DLG5: variants seen among roughly 807,000 people sequenced by gnomAD.
DLG5 encodes discs large MAGUK scaffold protein 5.
DLG5 carries 48 observed loss-of-function variants against 189.8 expected under a neutral mutation model. The observed-to-expected ratio is 0.25, with a 90% confidence interval of 0.20 to 0.32. The LOEUF (loss-of-function observed/expected upper bound fraction) is 0.32, where lower values mean the gene tolerates loss of function less well. Among genes scored for constraint, DLG5 ranks in the 10% least tolerant of loss-of-function variants. The probability of loss-of-function intolerance (pLI) is 1.00; values close to 1 mark genes in which losing one functional copy is unlikely to be tolerated. For missense variants in DLG5, 2,160 were observed against 2,544.7 expected, an observed-to-expected ratio of 0.85 and a Z score of 3.25; for synonymous variants, 1,016 against 1,054.1, an observed-to-expected ratio of 0.96 and a Z score of 0.70.
At chr10:77,888,191 G>A (rs1370791223) in intron 1 of DLG5, among the ~76,000 whole-genome samples, 1 of 152,180 alleles carries the variant, frequency 6.6e-6, no homozygotes, top group Non-Finnish European at 1.5e-5. Context: ...GGCTGTTGGG[G>A]AGCACCAGAG....
chr10:77,848,479 TG>T (rs1378364784), intron 5 of DLG5, among the ~76,000 whole-genome samples: 1 of 152,156 alleles, frequency 6.6e-6, no homozygotes, highest in African/African-American at 2.4e-5. Context: ...TGCACTGCCC[TG>T]GTCCCAGGAA....
upstream of DLG5, chr10:77,927,581 T>C (rs575120568): frequency 6.6e-6 from 1 of 152,204 alleles, no homozygotes; most frequent in Non-Finnish European, 1.5e-5. Flanking sequence ...AGTTAGGATG[T>C]TGGCAGGAGG....
chr10:77,806,286 G>T, intron 26 of DLG5: 1 of 228,190 alleles, frequency 4.4e-6, no homozygotes, highest in Non-Finnish European at 8.6e-6. Flanking sequence ...AGTCCAGACA[G>T]GGAGACCCAT....
At chr10:77,893,203 T>C (rs1845661258) in intron 1 of DLG5, among the ~76,000 whole-genome samples, 1 of 152,120 alleles carries the variant, frequency 6.6e-6, no homozygotes, top group Non-Finnish European at 1.5e-5. Flanking sequence ...AAACGTCACC[T>C]TACCTACCCA....
chr10:77,940,027 C>T, the DLG5 span, among the ~76,000 whole-genome samples: 447 of 152,318 alleles, frequency 2.9e-3, 1 homozygote, highest in African/African-American at 9.9e-3. Flanking sequence ...ACAGTCTCTG[C>T]GGCAATCAGC....
chr10:77,844,850 C>T (rs985072068), intron 5 of DLG5, among the ~76,000 whole-genome samples: 4 of 152,142 alleles, frequency 2.6e-5, no homozygotes, highest in Non-Finnish European at 5.9e-5. Context: ...AGAAGAGCAG[C>T]GAGAGCACAC....
Position 77,816,533 on chromosome 10 carries a change from A to G in DLG5, c.4025+18T>C. 6.2e-7 allele frequency: 1 copy of G among 1,613,940 alleles called. No individual in the cohort carries two copies. The highest frequency in any genetic ancestry group is 2.2e-5 in the East Asian group (1 of 44,876). On this transcript the variant is annotated intron_variant, in intron 20 of 31. Transcript: ENST00000372391. ...GTCCACTGGTTTACCCACTCCACCG[A>G]TGACCGGCCATGCTCACCTGTCCTT...
chr10:77,835,605 G>A, intron 8 of DLG5, 133 bp downstream of exon 8: 1 of 952,762 alleles, frequency 1.0e-6, no homozygotes, highest in South Asian at 1.9e-5. Flanking sequence ...CTAGGGGTGA[G>A]AAAGGAGGAG....
At chr10:77,810,743 T>A (rs537028932) in intron 23 of DLG5, among the ~76,000 whole-genome samples, 1 of 152,084 alleles carries the variant, frequency 6.6e-6, no homozygotes, top group Non-Finnish European at 1.5e-5. Flanking sequence ...TGCCACCTCA[T>A]TGGGGGAAGC....
Position 77,820,028 on chromosome 10 carries a change from C to G in DLG5, c.3403-10G>C. On this transcript the variant is annotated splice_polypyrimidine_tract_variant and intron_variant, in intron 15 of 31. Coordinates refer to ENST00000372391, the MANE Select transcript of DLG5 (RefSeq NM_004747.4). ...GGACACACTTCTGTTCCTGCAGATG[C>G]AAGGGCAAGAGTGTCTGCTAGAAAG... The G allele has an allele frequency of 6.2e-7, 1 of 1,612,872 alleles. No individual in the cohort carries two copies. Among genetic ancestry groups the G allele is most frequent in the Non-Finnish European group, 8.5e-7 (1 of 1,179,936 alleles).
At position 77,856,886 on chromosome 10, in the gene DLG5, G is replaced by A. The variant is rs1844261923; in HGVS notation, c.380C>T (p.Thr127Ile). Residue 127 changes from threonine (T) to isoleucine (I), a missense_variant, in exon 3 of 32, where the codon ACC becomes ATC. Thr to Ile is a moderately conservative substitution (Grantham distance 89). Coordinates refer to ENST00000372391, the MANE Select transcript of DLG5 (RefSeq NM_004747.4). ...SSSSLSSVGT[T>I]GKAPSPPPLL... ...GGGTGGTGGGGACGGCGCCTTCCCG[G>A]TAGTGCCTGTGGAAGGGGAATAATA... is the stretch of plus-strand genomic sequence containing the variant. 6.2e-7 allele frequency: 1 copy of A among 1,610,292 alleles called. No homozygotes were observed. The highest frequency in any genetic ancestry group is 1.3e-5 in the African/African-American group (1 of 74,852).
intron 7 of DLG5, among the ~76,000 whole-genome samples, chr10:77,840,670 G>T (rs1272654664): frequency 6.6e-6 from 1 of 152,204 alleles, no homozygotes; most frequent in Non-Finnish European, 1.5e-5. Flanking sequence ...AGTGAGCCGA[G>T]ATTGCGCCAC....
intron 20 of DLG5, among the ~76,000 whole-genome samples, chr10:77,813,784 G>C (rs1247173228): frequency 6.6e-6 from 1 of 152,174 alleles, no homozygotes; most frequent in African/African-American, 2.4e-5. Context: ...AGGTTCCCAG[G>C]TTCCAGTGAC....
At position 77,897,800 on chromosome 10, in the gene DLG5, G is replaced by GA. The variant is rs985033096; in HGVS notation, c.304+28416dup. Among the ~76,000 whole-genome samples, 51 of 145,706 alleles carry GA rather than the reference G, an allele frequency of 3.5e-4. No individual in the cohort carries two copies. The East Asian group carries it at 6.9e-3, about 20-fold the overall frequency. ...ATAATTTCTTAGTGGTAGAATTAAA[G>GA]AAAAAAAAAAGGATGTGGTTCCCAA... On this transcript the variant is annotated intron_variant, in intron 1 of 31. Coordinates refer to ENST00000372391, the MANE Select transcript of DLG5 (RefSeq NM_004747.4).
chr10:77,799,251 G>A (rs546572136), intron 27 of DLG5, among the ~76,000 whole-genome samples: 31 of 152,312 alleles, frequency 2.0e-4, no homozygotes, highest in Admixed American at 1.9e-3. Context: ...TACGGCAATG[G>A]CTTTCTTTAA....
chr10:77,846,854 C>T (rs867341269), intron 5 of DLG5: 21 of 400,582 alleles, frequency 5.2e-5, no homozygotes, highest in South Asian at 3.6e-4. Flanking sequence ...GACGAGCCAA[C>T]GCTCTCCTGC....
intron 13 of DLG5, among the ~76,000 whole-genome samples, chr10:77,828,413 A>G (rs1842742673): frequency 6.7e-6 from 1 of 150,260 alleles, no homozygotes; most frequent in African/African-American, 2.5e-5. Flanking sequence ...CTTGAACACG[A>G]AAGTCAGAGG....
intron 1 of DLG5, among the ~76,000 whole-genome samples, chr10:77,886,625 G>A (rs1401025970): frequency 2.0e-5 from 3 of 152,176 alleles, no homozygotes; most frequent in Non-Finnish European, 4.4e-5. Context: ...AAAGTGCTGG[G>A]ATTATAGGCG....
intron 1 of DLG5, among the ~76,000 whole-genome samples, chr10:77,897,873 T>C (rs1290536276): frequency 6.6e-6 from 1 of 152,020 alleles, no homozygotes; most frequent in Non-Finnish European, 1.5e-5. Context: ...TTTGAAAATA[T>C]TCTATCCAAA....
Sources: gnomAD v4.1 joint callset for allele counts (sites outside exome capture counted in the v4.1 genomes callset) on GRCh38, gnomAD v4.1.1 for gene constraint, MANE v1.5 for transcripts, NCBI Gene and HGNC (gene_info 2026-07-23, HGNC 2026-07-21) for gene names.